The following NRG1 variants were observed in gnomAD, a reference collection of about 807,000 sequenced individuals.
NRG1 encodes the protein pro-neuregulin-1, membrane-bound isoform.
Under a neutral mutation model 63.8 loss-of-function variants are expected in NRG1, and 18 were observed. The observed-to-expected ratio is 0.28, with a 90% CI of 0.19 to 0.42. The LOEUF is 0.42. NRG1 is among the 10% of genes least tolerant of loss of function. The pLI is 1.00. For missense variants in NRG1, 762 were observed against 814.7 expected (o/e 0.94, Z 0.79); for synonymous variants, 302 against 301.3 (o/e 1.00, Z -0.02).
intron 1 of NRG1, among the ~76,000 whole-genome samples, chr8:31,924,121 A>C (rs76380394): frequency 6.6e-6 from 1 of 152,080 alleles, no homozygotes; most frequent in East Asian, 1.9e-4. Flanking sequence ...TTGGTAGGCC[A>C]AGGTGGGCAG....
intron 1 of NRG1, among the ~76,000 whole-genome samples, chr8:32,270,970 A>G (rs1022030718): frequency 2.6e-5 from 4 of 152,118 alleles, no homozygotes; most frequent in Non-Finnish European, 5.9e-5. Flanking sequence ...TGCTGCCCCT[A>G]AATTAAAGTA....
At chr8:32,740,288 C>T (rs1046358298) in intron 6 of NRG1, among the ~76,000 whole-genome samples, 10 of 151,232 alleles carry the variant, frequency 6.6e-5, no homozygotes, top group African/African-American at 2.2e-4. Flanking sequence ...CTCTGCCTCC[C>T]GGGTTCAAGT....
At chr8:32,186,470 A>G (rs899081240) in intron 1 of NRG1, among the ~76,000 whole-genome samples, 1 of 151,870 alleles carries the variant, frequency 6.6e-6, no homozygotes, top group Non-Finnish European at 1.5e-5. Flanking sequence ...CAAAAAAAAA[A>G]AAAAAAGAAA....
chr8:32,278,521 G>A (rs1458920237), intron 1 of NRG1, among the ~76,000 whole-genome samples: 1 of 152,180 alleles, frequency 6.6e-6, no homozygotes, highest in Non-Finnish European at 1.5e-5. Context: ...CCTAATTAGA[G>A]TAGGAATTTC....
chr8:32,393,228 A>C lies in NRG1; in HGVS notation c.38-202600A>C, dbSNP rs557479778. ...TTTCTCCCACAGGCCACAAAATACC[A>C]TCTTCCTCTTACAGGGAATGAGACT... On this transcript the variant is annotated intron_variant, in intron 1 of 10. Coordinates refer to the NRG1 transcript ENST00000519301. Among the ~76,000 whole-genome samples the C allele has an allele frequency of 3.3e-5, 5 of 152,302 alleles. No individual in the cohort carries two copies. The South Asian group carries it at 1.0e-3, about 32-fold the overall frequency.
chr8:31,926,620 C>T (rs1227152107), intron 1 of NRG1, among the ~76,000 whole-genome samples: 1 of 152,120 alleles, frequency 6.6e-6, no homozygotes, highest in Non-Finnish European at 1.5e-5. Flanking sequence ...TGCAATGAAA[C>T]ATTTTGATAA....
intron 1 of NRG1, among the ~76,000 whole-genome samples, chr8:32,264,433 G>A (rs372396246): frequency 1.1e-3 from 163 of 152,182 alleles, no homozygotes; most frequent in African/African-American, 3.8e-3. Context: ...AAGTCTAGAG[G>A]GAGGCCTAAA....
intron 1 of NRG1, among the ~76,000 whole-genome samples, chr8:31,875,027 A>G (rs1249735823): frequency 3.3e-5 from 5 of 152,214 alleles, no homozygotes; most frequent in Admixed American, 6.5e-5. Flanking sequence ...TCATTTTCAT[A>G]GTTGCCAGCA....
chr8:32,486,821 C>T (rs950136109), intron 1 of NRG1, among the ~76,000 whole-genome samples: 3 of 151,682 alleles, frequency 2.0e-5, no homozygotes, highest in Admixed American at 6.6e-5. Flanking sequence ...GGTGGGGTTT[C>T]GCCATGTTGG....
intron 1 of NRG1, among the ~76,000 whole-genome samples, chr8:32,385,014 T>TA (rs981292722): frequency 9.9e-5 from 15 of 152,190 alleles, no homozygotes; most frequent in African/African-American, 3.4e-4. Context: ...TATAGCTACT[T>TA]ATGGCCTCTC....
At chr8:32,371,761 C>G (rs979977985) in intron 1 of NRG1, among the ~76,000 whole-genome samples, 1 of 152,100 alleles carries the variant, frequency 6.6e-6, no homozygotes, top group Non-Finnish European at 1.5e-5. Flanking sequence ...GGATAAAATC[C>G]TCAAACTAAG....
chr8:32,595,864 A>C, exon 2 of NRG1: 1 of 1,613,174 alleles, frequency 6.2e-7, no homozygotes, highest in Non-Finnish European at 8.5e-7. Flanking sequence ...AAAAGCCAGG[A>C]ATCGGCTGCA....
chr8:32,263,469 G>GC (rs1474082288), intron 1 of NRG1, among the ~76,000 whole-genome samples: 2 of 152,076 alleles, frequency 1.3e-5, no homozygotes, highest in Non-Finnish European at 2.9e-5. Flanking sequence ...CACAGTGAGA[G>GC]CCCCCCATCC....
chr8:32,717,948 A>T (rs192552909), intron 5 of NRG1, among the ~76,000 whole-genome samples: 7 of 152,216 alleles, frequency 4.6e-5, no homozygotes, highest in Admixed American at 4.6e-4. Flanking sequence ...CATTTGTCAG[A>T]AATCATTTCC....
intron 1 of NRG1, among the ~76,000 whole-genome samples, chr8:32,279,499 C>T (rs1852469660): frequency 6.6e-6 from 1 of 152,100 alleles, no homozygotes; most frequent in Non-Finnish European, 1.5e-5. Flanking sequence ...ATTACAGGCA[C>T]GTGCCACCAC....
chr8:31,830,849 T>A (rs1210318353), intron 1 of NRG1, among the ~76,000 whole-genome samples: 1 of 152,130 alleles, frequency 6.6e-6, no homozygotes, highest in East Asian at 1.9e-4. Flanking sequence ...CTGATCCCTG[T>A]GGATAGTGAT....
chr8:31,811,686 T>TA (rs1178380522), intron 1 of NRG1, among the ~76,000 whole-genome samples: 2 of 152,168 alleles, frequency 1.3e-5, no homozygotes, highest in Non-Finnish European at 1.5e-5. Flanking sequence ...AGAAAATATA[T>TA]AAAAAATGTG....
intron 1 of NRG1, among the ~76,000 whole-genome samples, chr8:32,325,658 C>T (rs979368852): frequency 2.0e-5 from 3 of 152,142 alleles, no homozygotes; most frequent in African/African-American, 7.2e-5. Context: ...GGAATATAGG[C>T]ATGTGCCCAC....
chr8:32,322,199 G>GA (rs993897336), intron 1 of NRG1, among the ~76,000 whole-genome samples: 23 of 147,918 alleles, frequency 1.6e-4, no homozygotes, highest in African/African-American at 2.7e-4. Flanking sequence ...TAAAAAAAAA[G>GA]AAAAAAAAAG....
Sources: gnomAD v4.1 joint callset for allele counts (sites outside exome capture counted in the v4.1 genomes callset) on GRCh38, gnomAD v4.1.1 for gene constraint, MANE v1.5 for transcripts, NCBI Gene and HGNC (gene_info 2026-07-23, HGNC 2026-07-21) for gene names.